Variants in NDUFAF7 observed in about 807,000 individuals in gnomAD.
NDUFAF7 encodes the protein protein arginine methyltransferase NDUFAF7, mitochondrial.
A neutral mutation model predicts 47.2 loss-of-function variants in NDUFAF7; 48 were observed. The ratio of observed to expected loss-of-function variants is 1.02; its 90% CI spans 0.81 to 1.29. The LOEUF is 1.29. NDUFAF7 is among the 50% of genes most tolerant of loss of function. The pLI, the probability that NDUFAF7 is intolerant of heterozygous loss-of-function variation, is 0.00. For missense variants in NDUFAF7, 635 were observed against 537.6 expected (o/e 1.18, Z -1.79); for synonymous variants, 217 against 190.0 (o/e 1.14, Z -1.17).
chr2:37,244,550 A>C (rs1467019315), intron 7 of NDUFAF7, among the ~76,000 whole-genome samples: 2 of 148,436 alleles, frequency 1.3e-5, no homozygotes, highest in Admixed American at 6.8e-5. Flanking sequence ...GAGCCTGTCT[A>C]TTGTGGCTTG....
chr2:37,261,048 C>T, the NDUFAF7 span, among the ~76,000 whole-genome samples: 1 of 152,242 alleles, frequency 6.6e-6, no homozygotes, highest in African/African-American at 2.4e-5. Context: ...CAAACACCTT[C>T]AGTGGCTCTT....
chr2:37,249,558 G>GACACACACACACACACACACACACAC (rs56374800), downstream of NDUFAF7, among the ~76,000 whole-genome samples: 4 of 128,420 alleles, frequency 3.1e-5, no homozygotes, highest in African/African-American at 1.3e-4. Flanking sequence ...GCCTGTGATA[G>GACACACACACACACACACACACACAC]ACACACACAC....
intron 2 of NDUFAF7, among the ~76,000 whole-genome samples, chr2:37,235,639 CTTATTTATTTAT>C (rs57466107): frequency 2.0e-5 from 3 of 149,758 alleles, no homozygotes; most frequent in Admixed American, 6.7e-5. Flanking sequence ...ATTTCCCTTG[CTTATTTATTTAT>C]TTATTTATTT....
the NDUFAF7 span, chr2:37,269,607 T>A: frequency 1.2e-6 from 2 of 1,603,810 alleles, no homozygotes. Context: ...ACGGCTGTAG[T>A]TGCTTACCTC....
At chr2:37,255,259 C>A (rs1215506536), downstream of NDUFAF7, among the ~76,000 whole-genome samples, 1 of 152,090 alleles carries the variant, frequency 6.6e-6, no homozygotes, top group African/African-American at 2.4e-5. Flanking sequence ...TAAACTTTTC[C>A]CAGTTTGATG....
At chr2:37,260,522 C>G in the NDUFAF7 span, 1 of 815,904 alleles carries the variant, frequency 1.2e-6, no homozygotes, top group Non-Finnish European at 1.9e-6. Context: ...ATAAAAATTA[C>G]AATCAATGAA....
intron 4 of NDUFAF7, among the ~76,000 whole-genome samples, chr2:37,238,101 T>C (rs1378148469): frequency 2.0e-5 from 3 of 152,060 alleles, no homozygotes; most frequent in Non-Finnish European, 4.4e-5. Context: ...GAAGACATTA[T>C]GGGAGAGTGT....
the NDUFAF7 span, among the ~76,000 whole-genome samples, chr2:37,265,428 T>C: frequency 6.6e-6 from 1 of 152,174 alleles, no homozygotes. Flanking sequence ...TATTCTAGAA[T>C]ATCAATATTC....
chr2:37,269,043 CTTTCTTAGTACCT>C, the NDUFAF7 span: 2 of 153,554 alleles, frequency 1.3e-5, no homozygotes, highest in Non-Finnish European at 2.9e-5. Context: ...TTTAACATTT[CTTTCTTAGTACCT>C]TTACATATAT....
At position 37,236,094 on chromosome 2, in the gene NDUFAF7, A is replaced by C; in HGVS notation, c.217-2A>C. The C allele has an allele frequency of 6.2e-7, 1 of 1,609,996 alleles. No individual in the cohort carries two copies. The highest frequency in any genetic ancestry group is 8.5e-7 in the Non-Finnish European group (1 of 1,176,438). On this transcript the variant is annotated splice_acceptor_variant, in intron 2 of 9. Coordinates refer to ENST00000002125, the MANE Select transcript of NDUFAF7 (RefSeq NM_144736.5). LOFTEE classifies it high-confidence loss of function. Reference sequence around the variant, plus strand: ...GTTTCTCTATTTTCTCTTTTTACTCAGGGTTATTATGTGTACCGTGACATG... The same window carrying C: ...GTTTCTCTATTTTCTCTTTTTACTCCGGGTTATTATGTGTACCGTGACATG...
chr2:37,254,316 A>G (rs755107295), downstream of NDUFAF7: 26 of 1,585,832 alleles, frequency 1.6e-5, no homozygotes, highest in South Asian at 2.4e-4. Flanking sequence ...AACAAGATAC[A>G]TGAATTTGGG....
chr2:37,245,007 G>C (rs557978012), intron 7 of NDUFAF7, among the ~76,000 whole-genome samples: 1 of 152,206 alleles, frequency 6.6e-6, no homozygotes, highest in Non-Finnish European at 1.5e-5. Flanking sequence ...TAGAATGTCA[G>C]CATGATCAGC....
At chr2:37,259,500 GTACT>G in the NDUFAF7 span, 3 of 1,042,078 alleles carry the variant, frequency 2.9e-6, no homozygotes, top group African/African-American at 4.8e-5. Flanking sequence ...TTAACCAACA[GTACT>G]TAGTACACTG....
At chr2:37,240,925 T>C (rs915309277) in intron 4 of NDUFAF7, among the ~76,000 whole-genome samples, 15 of 152,244 alleles carry the variant, frequency 9.9e-5, no homozygotes, top group Admixed American at 7.2e-4. Context: ...TGGATGTGCA[T>C]ATTCATATCT....
At chr2:37,270,872 A>G in the NDUFAF7 span, among the ~76,000 whole-genome samples, 1 of 152,200 alleles carries the variant, frequency 6.6e-6, no homozygotes, top group Non-Finnish European at 1.5e-5. Context: ...ATATTTGTTA[A>G]ACAAAAGCCA....
At chr2:37,262,900 C>CG in the NDUFAF7 span, among the ~76,000 whole-genome samples, 3 of 147,608 alleles carry the variant, frequency 2.0e-5, no homozygotes, top group East Asian at 4.7e-4. Flanking sequence ...TTCCTTCCCC[C>CG]CCCCGTATTT....
chr2:37,270,712 A>G, the NDUFAF7 span, among the ~76,000 whole-genome samples: 1 of 152,278 alleles, frequency 6.6e-6, no homozygotes, highest in Non-Finnish European at 1.5e-5. Context: ...TTGTAATTAA[A>G]ATTTTAAGGT....
At chr2:37,253,257 G>C, downstream of NDUFAF7, 1 of 1,612,658 alleles carries the variant, frequency 6.2e-7, no homozygotes. Flanking sequence ...GTGTATGCAT[G>C]TATTTCCCAG....
At chr2:37,250,908 A>C (rs1667435679), downstream of NDUFAF7, 1 of 152,680 alleles carries the variant, frequency 6.5e-6, no homozygotes, top group East Asian at 1.9e-4. Context: ...ATCTGGAATA[A>C]TCATTCAACT....
Sources: allele counts gnomAD v4.1 joint callset (sites outside exome capture counted in the v4.1 genomes callset), GRCh38; gene constraint gnomAD v4.1.1; transcripts MANE v1.5; gene names NCBI Gene and HGNC (gene_info 2026-07-23, HGNC 2026-07-21).